WDFY3: variants seen among roughly 807,000 people sequenced by gnomAD.
WDFY3 encodes the protein WD repeat and FYVE domain containing 3.
Under a neutral mutation model 409.6 loss-of-function variants are expected in WDFY3, and 66 were observed. The ratio of observed to expected loss-of-function variants is 0.16; its 90% confidence interval spans 0.13 to 0.20. WDFY3 has a LOEUF of 0.20. Ranked by LOEUF, WDFY3 falls within the 10% of genes least tolerant of loss-of-function variation. WDFY3 has a pLI of 1.00. For missense variants in WDFY3, 3,031 were observed against 4,298.1 expected, an observed-to-expected ratio of 0.71 and a Z score of 8.24; for synonymous variants, 1,521 against 1,537.1, an observed-to-expected ratio of 0.99 and a Z score of 0.25.
chr4:84,790,890 C>CATA (rs560098154), intron 21 of WDFY3, among the ~76,000 whole-genome samples: 107 of 151,812 alleles, frequency 7.0e-4, no homozygotes, highest in Non-Finnish European at 1.3e-3. Context: ...AAATGCAAAC[C>CATA]ATAAGCACAA....
chr4:84,679,986 G>A (rs1467279695), intron 64 of WDFY3, among the ~76,000 whole-genome samples: 1 of 151,912 alleles, frequency 6.6e-6, no homozygotes, highest in Non-Finnish European at 1.5e-5. Context: ...TGCCTCCTGG[G>A]TTCAAGCGAT....
chr4:84,800,037 T>A (rs1398742159), intron 17 of WDFY3, among the ~76,000 whole-genome samples: 1 of 152,126 alleles, frequency 6.6e-6, no homozygotes, highest in Non-Finnish European at 1.5e-5. Flanking sequence ...CCAAAAAGGA[T>A]CAGGGGAAAA....
intron 38 of WDFY3, 50 bp from the exon 39 acceptor site, chr4:84,740,466 C>A: frequency 6.4e-7 from 1 of 1,570,150 alleles, no homozygotes; most frequent in Non-Finnish European, 8.7e-7. Context: ...AAGTAAAACA[C>A]CTGTTAATCA....
intron 44 of WDFY3, among the ~76,000 whole-genome samples, chr4:84,732,485 T>C (rs1282056733): frequency 6.6e-6 from 1 of 152,162 alleles, no homozygotes; most frequent in Non-Finnish European, 1.5e-5. Context: ...CAAAAAATGA[T>C]TTCCTCCTGT....
intron 51 of WDFY3, among the ~76,000 whole-genome samples, chr4:84,712,554 CTACTAAAAA>C (rs1466440686): frequency 6.6e-6 from 1 of 151,770 alleles, no homozygotes; most frequent in Non-Finnish European, 1.5e-5. Flanking sequence ...AACCCTGTCT[CTACTAAAAA>C]TACAAAAATT....
chr4:84,844,515 T>C, intron 5 of WDFY3: 1 of 1,279,694 alleles, frequency 7.8e-7, no homozygotes, highest in Admixed American at 2.3e-5. Flanking sequence ...TTTTTCTGTT[T>C]AAAAAAAAAG....
chr4:84,767,965 C>A (rs1053023504), intron 30 of WDFY3, among the ~76,000 whole-genome samples: 1 of 152,254 alleles, frequency 6.6e-6, no homozygotes, highest in Admixed American at 6.5e-5. Flanking sequence ...CACCTATAGT[C>A]CCAGCTACTC....
At chr4:84,851,127 G>T (rs1305875431) in intron 4 of WDFY3, among the ~76,000 whole-genome samples, 5 of 150,662 alleles carry the variant, frequency 3.3e-5, no homozygotes, top group African/African-American at 1.2e-4. Flanking sequence ...TATGAGTTCA[G>T]CAAAGAGAAT....
At chr4:84,930,465 T>C (rs1296411086) in intron 2 of WDFY3, among the ~76,000 whole-genome samples, 1 of 152,198 alleles carries the variant, frequency 6.6e-6, no homozygotes, top group Non-Finnish European at 1.5e-5. Flanking sequence ...ACTCCTTTTT[T>C]AAGATGTAGA....
chr4:84,759,649 G>C (rs1742153236), intron 32 of WDFY3, among the ~76,000 whole-genome samples: 1 of 148,170 alleles, frequency 6.7e-6, no homozygotes, highest in African/African-American at 2.5e-5. Context: ...TTTGTACATT[G>C]ATTTTGTATC....
chr4:84,785,992 G>T lies in WDFY3; in HGVS notation c.4049C>A (p.Ala1350Asp), dbSNP rs956584373. ...CATTCTGCTTACCTGCTTAGCAATG[G>T]CTTTGCTATCCAATTTGTTATACAC... ...RKVYNKLDSK[A>D]IAKQLGISSH... Residue 1350 changes from alanine to aspartate, a missense_variant, in exon 24 of 68, where the codon GCC becomes GAC. Ala to Asp is a moderately radical substitution (Grantham distance 126, BLOSUM62 -2). Transcript: ENST00000295888. 8 of 1,613,562 alleles carry T rather than the reference G, an allele frequency of 5.0e-6. No individual in the cohort carries two copies. The highest frequency in any genetic ancestry group is 6.8e-6 in the Non-Finnish European group (8 of 1,179,864).
chr4:84,704,565 G>GTGT, intron 54 of WDFY3, 121 bp from the exon 55 acceptor site: 4 of 664,884 alleles, frequency 6.0e-6, no homozygotes, highest in Non-Finnish European at 9.7e-6. Flanking sequence ...AATGCAATTA[G>GTGT]TACTGGCATT....
intron 62 of WDFY3, among the ~76,000 whole-genome samples, chr4:84,687,439 G>A (rs894054116): frequency 3.3e-5 from 5 of 152,004 alleles, no homozygotes; most frequent in Admixed American, 1.3e-4. Context: ...CACCATGCCC[G>A]GCCAATTTCT....
At chr4:84,923,767 G>A (rs142260732) in intron 2 of WDFY3, among the ~76,000 whole-genome samples, 3,298 of 152,300 alleles carry the variant, frequency 0.022, 58 homozygotes, top group Non-Finnish European at 0.033. Flanking sequence ...GGGAGGCTGA[G>A]GCAGGTGGAT....
Position 84,677,302 on chromosome 4 carries a change from C to T in WDFY3, c.10354G>A (p.Val3452Met). ...QPGRSAADHW[V>M]KDEGGDSCSG... ...CAGCTGTCACCACCTTCATCCTTCA[C>T]CCAGTGATCAGCAGCAGAACGGCCT... The change falls in exon 67 of 68, where the codon GTG becomes ATG. Residue 3452 changes from valine to methionine, a missense_variant. By Grantham distance (21) the Val-to-Met change is conservative. Coordinates refer to ENST00000295888, the MANE Select transcript of WDFY3 (RefSeq NM_014991.6). 6.2e-7 allele frequency: 1 copy of T among 1,614,236 alleles called. No individual in the cohort carries two copies. The highest frequency in any genetic ancestry group is 8.5e-7 in the Non-Finnish European group (1 of 1,180,044).
intron 1 of WDFY3, among the ~76,000 whole-genome samples, chr4:84,933,133 T>C (rs1201838857): frequency 6.6e-6 from 1 of 152,204 alleles, no homozygotes; most frequent in Admixed American, 6.5e-5. Flanking sequence ...AAGAATAGCA[T>C]CATCTTTAAT....
intron 4 of WDFY3, among the ~76,000 whole-genome samples, chr4:84,853,048 T>A (rs1212046809): frequency 6.6e-6 from 1 of 150,418 alleles, no homozygotes. Context: ...CATGAGCCAC[T>A]GTGCCCGGCC....
chr4:84,767,797 A>C (rs965380412), intron 30 of WDFY3, among the ~76,000 whole-genome samples: 1 of 152,162 alleles, frequency 6.6e-6, no homozygotes, highest in African/African-American at 2.4e-5. Context: ...GCAGAAAAAA[A>C]GTTGGGGGCC....
rs1356399578 is a variant in WDFY3 at position 84,803,439 on chromosome 4, G to C, written c.2458C>G (p.Pro820Ala). The change falls in exon 16 of 68, where the codon CCT (proline) becomes GCT (alanine). Residue 820 changes from proline (P) to alanine (A), a missense_variant. Transcript: ENST00000295888. ...RHAYHSVSTPPVYPPKNVADL... is the reference protein window; with the variant it reads ...RHAYHSVSTPAVYPPKNVADL... ...GCAACATTTTTAGGAGGGTAAACAG[G>C]GGGAGTTGAAACAGAATGATATGCA... The C allele has an allele frequency of 1.1e-5, 17 of 1,613,208 alleles. No homozygotes were observed. The highest frequency in any genetic ancestry group is 1.4e-5 in the Non-Finnish European group (17 of 1,179,738).
Sources: gnomAD v4.1 joint callset for allele counts (sites outside exome capture counted in the v4.1 genomes callset) on GRCh38, gnomAD v4.1.1 for gene constraint, MANE v1.5 for transcripts, NCBI Gene and HGNC (gene_info 2026-07-23, HGNC 2026-07-21) for gene names.